Variants in PCDH15 observed in about 807,000 individuals in gnomAD.
PCDH15 encodes the protein protocadherin related 15.
Under a neutral mutation model 178.5 loss-of-function variants are expected in PCDH15, and 129 were observed. The observed-to-expected ratio is 0.72, with a 90% CI of 0.63 to 0.84. PCDH15 has a LOEUF of 0.84. Among genes scored for constraint, PCDH15 ranks in the 40% least tolerant of loss-of-function variants. The pLI is 0.00. For synonymous variants in PCDH15, 800 were observed against 732.0 expected, an observed-to-expected ratio of 1.09 and a Z score of -1.50; for missense variants, 2,230 against 2,099.9, an observed-to-expected ratio of 1.06 and a Z score of -1.21.
chr10:54,235,000 C>A lies in PCDH15; in HGVS notation c.985+1823G>T, dbSNP rs531457270. 2.6e-5 allele frequency among the ~76,000 whole-genome samples: 4 copies of A among 152,240 alleles called. No homozygotes were observed. In the South Asian group the frequency reaches 8.3e-4, roughly 32 times the overall value. On this transcript the variant is annotated intron_variant, in intron 9 of 37. Coordinates refer to ENST00000644397, the MANE Select transcript of PCDH15 (RefSeq NM_001384140.1). ...CTCACTTCTTTCCAGTACTTCCGGC[C>A]CCCTTGTTGTTTCTGAAACCCACCT...
At chr10:55,506,154 A>G (rs529414078) in intron 2 of PCDH15, 1 of 151,570 alleles carries the variant, frequency 6.6e-6, no homozygotes, top group Non-Finnish European at 1.5e-5. Context: ...TGGGGATACC[A>G]TTTAATAATC....
chr10:53,913,353 G>C (rs2083263589), intron 25 of PCDH15, among the ~76,000 whole-genome samples: 1 of 152,062 alleles, frequency 6.6e-6, no homozygotes, highest in South Asian at 2.1e-4. Context: ...GAAAACCTAG[G>C]CAATACCACT....
chr10:55,006,560 T>C (rs1449382171), intron 2 of PCDH15, among the ~76,000 whole-genome samples: 2 of 152,130 alleles, frequency 1.3e-5, no homozygotes, highest in Admixed American at 6.6e-5. Context: ...GGTGGATCCT[T>C]CATGGCTTGA....
intron 2 of PCDH15, among the ~76,000 whole-genome samples, chr10:55,350,913 CAT>C (rs1844911057): frequency 6.6e-6 from 1 of 151,940 alleles, no homozygotes; most frequent in South Asian, 2.1e-4. Context: ...CTGATTTAAT[CAT>C]ATGTTTTTAA....
chr10:54,099,043 C>A (rs1248491433), intron 15 of PCDH15, among the ~76,000 whole-genome samples: 2 of 152,094 alleles, frequency 1.3e-5, no homozygotes, highest in Non-Finnish European at 2.9e-5. Context: ...TCCTCAGAGC[C>A]TACTCACTTT....
intron 20 of PCDH15, among the ~76,000 whole-genome samples, chr10:54,013,601 A>G (rs1026086700): frequency 6.6e-6 from 1 of 152,214 alleles, no homozygotes; most frequent in Non-Finnish European, 1.5e-5. Flanking sequence ...CAATACTAAG[A>G]AAAACATTCA....
At chr10:55,526,818 C>T (rs1465208547) in intron 2 of PCDH15, among the ~76,000 whole-genome samples, 2 of 152,034 alleles carry the variant, frequency 1.3e-5, no homozygotes, top group Non-Finnish European at 2.9e-5. Flanking sequence ...CTTTCAACTT[C>T]TCAGAGTAGG....
chr10:55,405,111 A>G lies in PCDH15; in HGVS notation c.-156+222514T>C, dbSNP rs186430147. Among the ~76,000 whole-genome samples, 29 of 151,666 alleles carry G rather than the reference A, an allele frequency of 1.9e-4. No individual in the cohort carries two copies. The East Asian group carries it at 5.4e-3, about 28-fold the overall frequency. ...CTATTTTGGAATCAGGGCATAAAATATAAGTCATAAAGATAGAAAAATGAT... is the reference window on the plus strand; with the variant it reads ...CTATTTTGGAATCAGGGCATAAAATGTAAGTCATAAAGATAGAAAAATGAT... On this transcript the variant is annotated intron_variant, in intron 2 of 5. Transcript: ENST00000613346.
chr10:53,915,997 T>G (rs1392227686), intron 25 of PCDH15, among the ~76,000 whole-genome samples: 3 of 152,218 alleles, frequency 2.0e-5, no homozygotes, highest in Non-Finnish European at 4.4e-5. Context: ...CCACATATAC[T>G]GAAGTCCCTG....
chr10:54,095,775 T>C (rs2094689111), intron 15 of PCDH15, among the ~76,000 whole-genome samples: 1 of 152,148 alleles, frequency 6.6e-6, no homozygotes, highest in South Asian at 2.1e-4. Context: ...AGACTTCCGT[T>C]AGATTTAGGG....
intron 2 of PCDH15, among the ~76,000 whole-genome samples, chr10:55,341,867 G>T (rs1844609398): frequency 7.9e-6 from 1 of 125,880 alleles, no homozygotes; most frequent in Non-Finnish European, 1.6e-5. Context: ...GCCCAGGATG[G>T]TATCCATCTG....
intron 1 of PCDH15, among the ~76,000 whole-genome samples, chr10:54,758,212 C>T (rs747404860): frequency 6.6e-6 from 1 of 151,928 alleles, no homozygotes; most frequent in African/African-American, 2.4e-5. Flanking sequence ...TTAAATGGTT[C>T]GACTTATAAT....
At chr10:53,810,503 A>G in intron 37 of PCDH15, 53 bp downstream of exon 37, 2 of 1,520,914 alleles carry the variant, frequency 1.3e-6, no homozygotes, top group Non-Finnish European at 1.8e-6. Flanking sequence ...ACGTAGGGTT[A>G]AACAATATTT....
chr10:54,280,010 T>C (rs1027162760), intron 8 of PCDH15, among the ~76,000 whole-genome samples: 5 of 151,838 alleles, frequency 3.3e-5, no homozygotes, highest in Non-Finnish European at 5.9e-5. Context: ...AAGATCACCA[T>C]TGTCATTAAA....
chr10:54,091,570 A>T (rs2094601079), intron 15 of PCDH15, among the ~76,000 whole-genome samples: 1 of 152,226 alleles, frequency 6.6e-6, no homozygotes, highest in African/African-American at 2.4e-5. Context: ...CTTGGACCAC[A>T]AAAACTACAG....
rs544259297 is a variant in PCDH15 at position 54,168,994 on chromosome 10, G to A, written c.1590+14450C>T. On this transcript the variant is annotated intron_variant, in intron 13 of 37. Transcript: ENST00000644397. Reference sequence around the variant, plus strand: ...AATGCCTGAACCGCAGCGGCCAGGCGTTCCTCCAGAACCTCCTCCCACAGG... The same window carrying A: ...AATGCCTGAACCGCAGCGGCCAGGCATTCCTCCAGAACCTCCTCCCACAGG... 7.1e-4 allele frequency among the ~76,000 whole-genome samples: 108 copies of A among 151,700 alleles called. No homozygotes were observed. In the East Asian group the frequency reaches 0.015, roughly 21 times the overall value.
intron 2 of PCDH15, among the ~76,000 whole-genome samples, chr10:55,528,298 AC>A (rs1176800390): frequency 2.6e-5 from 4 of 151,940 alleles, no homozygotes; most frequent in African/African-American, 9.7e-5. Context: ...ACATATGTAT[AC>A]ATGTGCCATG....
In PCDH15 at chr10:54,964,005, T is replaced by G. The variant is rs573085543; in HGVS notation, c.-79-66505A>C. ...GTAACTACATGTGGGGAAAAAAGAA[T>G]TAGGGACAGGTAAGGAAGAGGAGTT... On this transcript the variant is annotated intron_variant, in intron 2 of 5. Transcript: ENST00000458638. Among the ~76,000 whole-genome samples the G allele has an allele frequency of 3.9e-5, 6 of 152,132 alleles. No homozygotes were observed. The East Asian group carries it at 9.7e-4, about 25-fold the overall frequency.
chr10:53,883,746 C>T (rs1025434728), intron 26 of PCDH15, among the ~76,000 whole-genome samples: 7 of 152,310 alleles, frequency 4.6e-5, no homozygotes, highest in African/African-American at 1.7e-4. Flanking sequence ...GATGGAGTCT[C>T]ACTCTCTTGC....
Sources: allele counts gnomAD v4.1 joint callset (sites outside exome capture counted in the v4.1 genomes callset), GRCh38; gene constraint gnomAD v4.1.1; transcripts MANE v1.5; gene names NCBI Gene and HGNC (gene_info 2026-07-23, HGNC 2026-07-21).